The following NRIP1 variants were observed in gnomAD, a reference collection of about 807,000 sequenced individuals.
The protein encoded by NRIP1 is nuclear receptor interacting protein 1, also known as nuclear receptor-interacting protein 1.
Under a neutral mutation model 75.0 loss-of-function variants are expected in NRIP1, and 28 were observed. That is an observed-to-expected ratio of 0.37 (90% CI 0.28 to 0.51). The LOEUF (loss-of-function observed/expected upper bound fraction) is 0.51, where lower values mean the gene tolerates loss of function less well. NRIP1 is among the 20% of genes least tolerant of loss of function. The pLI, the probability that NRIP1 is intolerant of heterozygous loss-of-function variation, is 0.92. For synonymous variants in NRIP1, 526 were observed against 487.6 expected, an observed-to-expected ratio of 1.08 and a Z score of -1.04; for missense variants, 1,435 against 1,343.7, an observed-to-expected ratio of 1.07 and a Z score of -1.06.
rs2086588232 is a variant in NRIP1 at position 14,961,420 on chromosome 21, A to G, written c.*3296T>C. The G allele has an allele frequency of 6.6e-6, 1 of 152,444 alleles. No homozygotes were observed. Among genetic ancestry groups the G allele is most frequent in the Non-Finnish European group, 1.5e-5 (1 of 67,894 alleles). The allele number at this position is 152,444 out of a possible 1,614,324, so 9.4% of individuals were successfully genotyped here. On this transcript the variant is annotated 3_prime_UTR_variant, in exon 4 of 4. Transcript: ENST00000318948. Reference sequence around the variant, plus strand: ...CAGATCGCATCAAATTTGGTTGTGTAAACACCAGAATTCTTACTATGAATG... The same window carrying G: ...CAGATCGCATCAAATTTGGTTGTGTGAACACCAGAATTCTTACTATGAATG...
chr21:15,055,079 G>T (rs2089277911), intron 1 of NRIP1, among the ~76,000 whole-genome samples: 1 of 152,174 alleles, frequency 6.6e-6, no homozygotes. Flanking sequence ...TAGGGGTGTA[G>T]ACCAACGTGC....
chr21:14,980,077 A>C (rs1389031239), intron 3 of NRIP1, among the ~76,000 whole-genome samples: 2 of 152,242 alleles, frequency 1.3e-5, no homozygotes, highest in African/African-American at 2.4e-5. Context: ...CAACAAAAGA[A>C]GTTTTATAAT....
At chr21:14,993,115 T>C (rs1213078364) in intron 3 of NRIP1, among the ~76,000 whole-genome samples, 1 of 152,126 alleles carries the variant, frequency 6.6e-6, no homozygotes, top group African/African-American at 2.4e-5. Context: ...ACTTCTACAA[T>C]TGCAAAGGGA....
rs781136019 is a variant in NRIP1 at position 14,967,072 on chromosome 21, G to C, written c.1121C>G (p.Ala374Gly). ...ATGTAAAAGCAAACTATTGTTAGCA[G>C]CTTGTTTTATATTGTTTCTTTCCAG... is the stretch of plus-strand genomic sequence containing the variant. ...NSLERNNIKQ[A>G]ANNSLLLHLL... Residue 374 changes from alanine (A) to glycine (G), a missense_variant, in exon 4 of 4, where the codon GCT becomes GGT. Coordinates refer to ENST00000318948, the MANE Select transcript of NRIP1 (RefSeq NM_003489.4). The C allele has an allele frequency of 6.2e-7, 1 of 1,614,086 alleles. No homozygotes were observed. The highest frequency in any genetic ancestry group is 2.2e-5 in the East Asian group (1 of 44,878).
intron 1 of NRIP1, chr21:15,050,295 C>A: frequency 5.7e-6 from 1 of 176,554 alleles, no homozygotes; most frequent in Non-Finnish European, 1.2e-5. Context: ...AAACTCAAAC[C>A]TCAGGAAGAA....
chr21:14,966,531 T>G lies in NRIP1; in HGVS notation c.1662A>C (p.Pro554=). The change falls in exon 4 of 4, where the codon CCA becomes CCC. Residue 554 remains proline, a synonymous_variant. Coordinates refer to ENST00000318948, the MANE Select transcript of NRIP1 (RefSeq NM_003489.4). Reference sequence around the variant, plus strand: ...CTGCTTTGCTTGATGTAAGTAAAGGTGGAGTGCTCACTGGAGTAGTCCGAT... The same window carrying G: ...CTGCTTTGCTTGATGTAAGTAAAGGGGGAGTGCTCACTGGAGTAGTCCGAT... ...STNRTTPVST[P]PLLTSSKAGS... The G allele has an allele frequency of 6.2e-7, 1 of 1,614,064 alleles. No individual in the cohort carries two copies. Among genetic ancestry groups the G allele is most frequent in the Non-Finnish European group, 8.5e-7 (1 of 1,179,966 alleles).
chr21:15,063,198 A>T (rs751941524), intron 1 of NRIP1, among the ~76,000 whole-genome samples: 21 of 152,328 alleles, frequency 1.4e-4, no homozygotes, highest in Middle Eastern at 3.4e-3. Flanking sequence ...GTCTCTAGGA[A>T]CTATGCCCAG....
At chr21:15,001,617 T>C (rs1352470890) in intron 3 of NRIP1, among the ~76,000 whole-genome samples, 1 of 152,054 alleles carries the variant, frequency 6.6e-6, no homozygotes, top group Admixed American at 6.6e-5. Context: ...AATAAAACAG[T>C]ATAATGTTTA....
At chr21:15,014,728 G>A (rs2088185131) in intron 2 of NRIP1, among the ~76,000 whole-genome samples, 1 of 151,514 alleles carries the variant, frequency 6.6e-6, no homozygotes, top group South Asian at 2.1e-4. Flanking sequence ...GCTAGGATGT[G>A]TTTATTAACC....
intron 3 of NRIP1, among the ~76,000 whole-genome samples, chr21:14,974,840 G>C (rs2087006193): frequency 6.6e-6 from 1 of 152,160 alleles, no homozygotes; most frequent in African/African-American, 2.4e-5. Flanking sequence ...GGGCGCAGTG[G>C]CTCATGCCTG....
chr21:15,028,658 CT>C (rs2088577503), intron 2 of NRIP1, among the ~76,000 whole-genome samples: 1 of 152,088 alleles, frequency 6.6e-6, no homozygotes, highest in Non-Finnish European at 1.5e-5. Context: ...TTTGAATACT[CT>C]TATTTTAAAA....
Position 15,024,107 on chromosome 21 carries a change from G to A in NRIP1, c.-457-9641C>T, listed in dbSNP as rs192366632. Among the ~76,000 whole-genome samples, 42 of 152,282 alleles carry A rather than the reference G, an allele frequency of 2.8e-4. 2 individuals carry two copies. The East Asian group carries it at 5.6e-3, about 20-fold the overall frequency. ...GGATATCTTTATGATCTCATAGTAG[G>A]AAACGTTTCCTTAAGACACAGAAAG... is the stretch of plus-strand genomic sequence containing the variant. On this transcript the variant is annotated intron_variant, in intron 2 of 3. Transcript: ENST00000318948.
Position 14,968,289 on chromosome 21 carries a change from T to C in NRIP1, c.-97A>G, listed in dbSNP as rs550237550. On this transcript the variant is annotated 5_prime_UTR_variant, in exon 4 of 4. Coordinates refer to ENST00000318948, the MANE Select transcript of NRIP1 (RefSeq NM_003489.4). ...TGTAACTTTAATAAAGGAGTATCAG[T>C]TTATCACCTTCCATCGCAATCAGAG... The C allele has an allele frequency of 1.3e-6, 1 of 760,506 alleles. No individual in the cohort carries two copies. The highest frequency in any genetic ancestry group is 2.2e-6 in the Non-Finnish European group (1 of 463,244). 47.1% of individuals were successfully genotyped at this position (760,506 alleles called of 1,614,324 possible).
At chr21:15,018,684 C>T (rs977807595) in intron 2 of NRIP1, among the ~76,000 whole-genome samples, 1 of 152,066 alleles carries the variant, frequency 6.6e-6, no homozygotes, top group East Asian at 1.9e-4. Context: ...TAATGTGTTA[C>T]CCCACACACA....
chr21:14,963,573 G>A lies in NRIP1; in HGVS notation c.*1143C>T, dbSNP rs1472183828. 6.6e-6 allele frequency: 1 copy of A among 152,296 alleles called. No individual in the cohort carries two copies. The highest frequency in any genetic ancestry group is 1.5e-5 in the Non-Finnish European group (1 of 67,950). 9.4% of individuals were successfully genotyped at this position (152,296 alleles called of 1,614,324 possible). The stretch of plus-strand genomic sequence containing the variant: ...AAATAGAGGCATCACATAGTTTTTT[G>A]TTTTTGTTTTACAGTCTCATGTTCT... On this transcript the variant is annotated 3_prime_UTR_variant, in exon 4 of 4. Transcript: ENST00000318948.
At chr21:14,977,808 T>C (rs1162534992) in intron 3 of NRIP1, among the ~76,000 whole-genome samples, 1 of 152,212 alleles carries the variant, frequency 6.6e-6, no homozygotes, top group African/African-American at 2.4e-5. Flanking sequence ...AAAAGGTAGA[T>C]GTGTGGTCAT....
intron 3 of NRIP1, among the ~76,000 whole-genome samples, chr21:14,972,727 G>C (rs540609298): frequency 6.6e-6 from 1 of 152,160 alleles, no homozygotes; most frequent in East Asian, 1.9e-4. Context: ...ATGGAGTAGC[G>C]GGGTGGAGAT....
chr21:14,966,110 CA>C lies in NRIP1; in HGVS notation c.2082del (p.Glu695AsnfsTer9). 1 of 1,612,432 alleles carries C rather than the reference CA, an allele frequency of 6.2e-7. No homozygotes were observed. Among genetic ancestry groups the C allele is most frequent in the Non-Finnish European group, 8.5e-7 (1 of 1,179,972 alleles). On this transcript the variant is annotated frameshift_variant, in exon 4 of 4. Coordinates refer to ENST00000318948, the MANE Select transcript of NRIP1 (RefSeq NM_003489.4). LOFTEE classifies it high-confidence loss of function. ...ATTTCAGAACCAGAAAGCCCTGGTT[CA>C]GGACCTGTTGGTTGACTACTAAATG... is the stretch of plus-strand genomic sequence containing the variant. ...NKAFSSQPTG[P>X]EPGLSGSEIE...
chr21:14,973,418 A>C (rs569647926), intron 3 of NRIP1, among the ~76,000 whole-genome samples: 1 of 152,282 alleles, frequency 6.6e-6, no homozygotes, highest in South Asian at 2.1e-4. Context: ...TATGACATGC[A>C]AAGTGAAGAA....
Sources: allele counts gnomAD v4.1 joint callset (sites outside exome capture counted in the v4.1 genomes callset), GRCh38; gene constraint gnomAD v4.1.1; transcripts MANE v1.5; gene names NCBI Gene and HGNC (gene_info 2026-07-23, HGNC 2026-07-21).